OOSP2: variants seen among roughly 807,000 people sequenced by gnomAD.
OOSP2 encodes the protein oocyte secreted protein 2.
In OOSP2, 7 loss-of-function variants were observed where a neutral mutation model predicts 13.4. The observed-to-expected ratio is 0.52, with a 90% CI of 0.30 to 0.98. OOSP2 has a LOEUF of 0.98. Among genes scored for constraint, OOSP2 ranks in the 50% least tolerant of loss-of-function variants. The pLI, the probability that OOSP2 is intolerant of heterozygous loss-of-function variation, is 0.07. For missense variants in OOSP2, 184 were observed against 188.5 expected (o/e 0.98, Z 0.14); for synonymous variants, 75 against 67.2 (o/e 1.12, Z -0.57).
chr11:60,047,096 G>C lies in OOSP2; in HGVS notation c.*23G>C, dbSNP rs751471698. ...TGAGCTAAAGGAGAAATGGAAACTT[G>C]AAGCTGGTGTTATGTATTTTGCAGG... On this transcript the variant is annotated 3_prime_UTR_variant, in exon 4 of 4. Coordinates refer to ENST00000278855, the MANE Select transcript of OOSP2 (RefSeq NM_173801.5). 6.3e-6 allele frequency: 10 copies of C among 1,580,426 alleles called. No individual in the cohort carries two copies. In the South Asian group the frequency reaches 1.2e-4, roughly 18 times the overall value.
chr11:60,046,917 T>C, intron 3 of OOSP2, 27 bp from the exon 4 acceptor site: 1 of 1,601,138 alleles, frequency 6.2e-7, no homozygotes, highest in Non-Finnish European at 8.5e-7. Context: ...TCCAACACTA[T>C]CTGCTTTCTG....
chr11:60,041,543 C>G (rs1189677646), intron 1 of OOSP2, among the ~76,000 whole-genome samples: 1 of 152,038 alleles, frequency 6.6e-6, no homozygotes, highest in African/African-American at 2.4e-5. Context: ...TTTGATAGAA[C>G]GTCAGACTAA....
chr11:60,041,969 A>G (rs1438508116), intron 1 of OOSP2, among the ~76,000 whole-genome samples: 1 of 151,528 alleles, frequency 6.6e-6, no homozygotes. Flanking sequence ...GAGGTCAGCC[A>G]GGCGTGATGG....
chr11:60,046,694 C>A lies in OOSP2; in HGVS notation c.348-250C>A, dbSNP rs78983570. 4.3e-3 allele frequency: 2,584 copies of A among 595,748 alleles called. 63 individuals are homozygous for A. The highest frequency in any genetic ancestry group is 0.043 in the African/African-American group (2,372 of 54,948). 36.9% of individuals were successfully genotyped at this position (595,748 alleles called of 1,614,324 possible). A position where few individuals can be genotyped will look rare whatever the true frequency, so the allele number is the denominator to read the frequency against. On this transcript the variant is annotated intron_variant, in intron 3 of 3. Transcript: ENST00000278855. Reference sequence around the variant, plus strand: ...TGCAAGCATCACAAATTATCTAAGACCATTCGTCTTTCTACTCAGTGTTTG... The same window carrying A: ...TGCAAGCATCACAAATTATCTAAGAACATTCGTCTTTCTACTCAGTGTTTG...
intron 3 of OOSP2, among the ~76,000 whole-genome samples, chr11:60,045,497 T>C (rs1854996448): frequency 1.3e-5 from 2 of 152,120 alleles, no homozygotes; most frequent in Admixed American, 1.3e-4. Context: ...ATAGTTGACA[T>C]CAAAATAAGA....
At chr11:60,042,139 C>G (rs192510557) in intron 1 of OOSP2, among the ~76,000 whole-genome samples, 27 of 151,922 alleles carry the variant, frequency 1.8e-4, no homozygotes, top group African/African-American at 6.3e-4. Flanking sequence ...AACAAAAAAA[C>G]CCCCCCAAAA....
chr11:60,041,695 A>T (rs1207928636), intron 1 of OOSP2, among the ~76,000 whole-genome samples: 1 of 151,896 alleles, frequency 6.6e-6, no homozygotes, highest in Non-Finnish European at 1.5e-5. Context: ...TACTAAAAAT[A>T]CAAAAAGTAG....
chr11:60,043,562 T>C lies in OOSP2; in HGVS notation c.158T>C (p.Leu53Pro). ...TATATATTTGCGGATGAATTACATC[T>C]GGGAATGGGCTGCCCTGCAAATCGG... ...NLYIFADELHLGMGCPANRIH... is the reference protein window; with the variant it reads ...NLYIFADELHPGMGCPANRIH... The change falls in exon 2 of 4, where the codon CTG becomes CCG. Residue 53 changes from leucine (L) to proline (P), a missense_variant. Coordinates refer to ENST00000278855, the MANE Select transcript of OOSP2 (RefSeq NM_173801.5). 2.5e-6 allele frequency: 4 copies of C among 1,609,582 alleles called. No individual in the cohort carries two copies. Among genetic ancestry groups the C allele is most frequent in the Non-Finnish European group, 3.4e-6 (4 of 1,175,878 alleles).
In OOSP2 at chr11:60,043,731, T is replaced by C. The variant is rs368226019; in HGVS notation, c.243+84T>C. 1.9e-5 allele frequency: 14 copies of C among 730,384 alleles called. No individual in the cohort carries two copies. The African/African-American group carries it at 2.1e-4, about 11-fold the overall frequency. The allele number at this position is 730,384 out of a possible 1,614,324, so 45.2% of individuals were successfully genotyped here. A position where few individuals can be genotyped will look rare whatever the true frequency, so the allele number is the denominator to read the frequency against. ...GTATTAAAATTGTCTTTTAAAAAAA[T>C]AATGTTTGCTTCTCATTGTAGTAAT... On this transcript the variant is annotated intron_variant, in intron 2 of 3. Transcript: ENST00000278855.
Position 60,040,873 on chromosome 11 carries a change from A to G in OOSP2, c.64+350A>G, listed in dbSNP as rs1854921325. Among the ~76,000 whole-genome samples the G allele has an allele frequency of 2.0e-5, 3 of 152,172 alleles. No homozygotes were observed. The South Asian group carries it at 6.2e-4, about 32-fold the overall frequency. ...GCTTGATTGTATCACATTGTAAGAT[A>G]TTCAGTTGCATCTTAGCTGATCTTC... On this transcript the variant is annotated intron_variant, in intron 1 of 3. Transcript: ENST00000278855.
chr11:60,044,544 TTATTTA>T (rs1325711523), intron 2 of OOSP2, 121 bp from the exon 3 acceptor site: 2 of 484,148 alleles, frequency 4.1e-6, no homozygotes, highest in African/African-American at 3.9e-5. Context: ...TGTCATATCT[TTATTTA>T]TATTTAAGAA....
chr11:60,047,490 T>G lies in OOSP2; in HGVS notation c.*417T>G, dbSNP rs148290699. 2.5e-3 allele frequency: 387 copies of G among 153,032 alleles called. No homozygotes were observed. The highest frequency in any genetic ancestry group is 0.017 in the Middle Eastern group (5 of 294). The allele number at this position is 153,032 out of a possible 1,614,324, so 9.5% of individuals were successfully genotyped here. ...CAAAACTTTGAGCATAGTGTAAAAT[T>G]TAACATATTAACTCTCACGAAAGGC... On this transcript the variant is annotated 3_prime_UTR_variant, in exon 4 of 4. Transcript: ENST00000278855.
rs112461232 is a variant in OOSP2 at position 60,044,333 on chromosome 11, G to A, written c.244-338G>A. Reference sequence around the variant, plus strand: ...CAAACCAGGATGAATACTCTCCGAAGCTTGTGCTTTAAACCACTCTCCGTT... The same window carrying A: ...CAAACCAGGATGAATACTCTCCGAAACTTGTGCTTTAAACCACTCTCCGTT... On this transcript the variant is annotated intron_variant, in intron 2 of 3. Coordinates refer to ENST00000278855, the MANE Select transcript of OOSP2 (RefSeq NM_173801.5). Among the ~76,000 whole-genome samples the A allele has an allele frequency of 5.7e-3, 861 of 152,296 alleles. 8 individuals are homozygous for A. Among genetic ancestry groups the A allele is most frequent in the African/African-American group, 0.019 (780 of 41,560 alleles).
chr11:60,046,824 G>A (rs1443527191), intron 3 of OOSP2, 120 bp from the exon 4 acceptor site: 1 of 857,474 alleles, frequency 1.2e-6, no homozygotes, highest in Non-Finnish European at 2.0e-6. Context: ...ATAGTATGCT[G>A]GCTCTATGCC....
At chr11:60,041,043 T>C (rs940518072) in intron 1 of OOSP2, among the ~76,000 whole-genome samples, 1 of 152,234 alleles carries the variant, frequency 6.6e-6, no homozygotes, top group Admixed American at 6.5e-5. Flanking sequence ...CGCGTTGCTG[T>C]CTACAAGTTG....
chr11:60,047,971 T>C lies in OOSP2; in HGVS notation c.*898T>C, dbSNP rs1671024451. The C allele has an allele frequency of 6.6e-6, 1 of 152,154 alleles. No individual in the cohort carries two copies. Among genetic ancestry groups the C allele is most frequent in the African/African-American group, 2.4e-5 (1 of 41,454 alleles). 9.4% of individuals were successfully genotyped at this position (152,154 alleles called of 1,614,324 possible). On this transcript the variant is annotated 3_prime_UTR_variant, in exon 4 of 4. Coordinates refer to ENST00000278855, the MANE Select transcript of OOSP2 (RefSeq NM_173801.5). ...GTATGTTTTGGATGCCACATCCTCCTGGAAGCAAATTTTGCCAAGATACTG... is the reference window on the plus strand; with the variant it reads ...GTATGTTTTGGATGCCACATCCTCCCGGAAGCAAATTTTGCCAAGATACTG...
intron 1 of OOSP2, 31 bp from the exon 2 acceptor site, chr11:60,043,438 T>C: frequency 6.6e-7 from 1 of 1,507,226 alleles, no homozygotes; most frequent in Non-Finnish European, 9.2e-7. Flanking sequence ...TAGACACCCT[T>C]CTGATGCTTT....
intron 2 of OOSP2, 70 bp from the exon 3 acceptor site, chr11:60,044,601 C>T (rs1854985523): frequency 6.2e-6 from 4 of 646,900 alleles, no homozygotes; most frequent in African/African-American, 3.7e-5. Flanking sequence ...TTTTTTACAT[C>T]CTATTCAAGT....
At chr11:60,043,427 A>ATAG in intron 1 of OOSP2, 42 bp from the exon 2 acceptor site, 1 of 1,372,528 alleles carries the variant, frequency 7.3e-7, no homozygotes, top group South Asian at 1.2e-5. Flanking sequence ...CTTTCTTAAG[A>ATAG]TAGACACCCT....
Sources: gnomAD v4.1 joint callset for allele counts (sites outside exome capture counted in the v4.1 genomes callset) on GRCh38, gnomAD v4.1.1 for gene constraint, MANE v1.5 for transcripts, NCBI Gene and HGNC (gene_info 2026-07-23, HGNC 2026-07-21) for gene names.